AKR1C2: variants seen among roughly 807,000 people sequenced by gnomAD.
AKR1C2 encodes aldo-keto reductase family 1 member C2, also known as 3-alpha-HSD3.
AKR1C2 carries 27 observed loss-of-function variants against 39.8 expected under a neutral mutation model. The observed-to-expected ratio is 0.68, with a 90% CI of 0.50 to 0.93. The LOEUF (loss-of-function observed/expected upper bound fraction) is 0.93, where lower values mean the gene tolerates loss of function less well. AKR1C2 is among the 40% of genes least tolerant of loss of function. The pLI, the probability that AKR1C2 is intolerant of heterozygous loss-of-function variation, is 0.00. For missense variants in AKR1C2, 263 were observed against 365.1 expected, an observed-to-expected ratio of 0.72 and a Z score of 2.28; for synonymous variants, 114 against 137.9, an observed-to-expected ratio of 0.83 and a Z score of 1.22.
At chr10:4,995,954 A>G in intron 5 of AKR1C2, 89 bp from the exon 6 acceptor site, 7 of 1,473,084 alleles carry the variant, frequency 4.8e-6, no homozygotes, top group Non-Finnish European at 6.4e-6. Flanking sequence ...TGAATAATGT[A>G]GAGCATTAAA....
intron 7 of AKR1C2, among the ~76,000 whole-genome samples, chr10:4,992,608 A>G (rs1337193094): frequency 6.6e-6 from 1 of 152,254 alleles, no homozygotes; most frequent in Non-Finnish European, 1.5e-5. Context: ...ATTTCTATAT[A>G]TTAGAAAATC....
At chr10:4,998,579 A>T (rs1339865515) in intron 5 of AKR1C2, 46 bp downstream of exon 5, 24 of 1,609,494 alleles carry the variant, frequency 1.5e-5, no homozygotes, top group Non-Finnish European at 1.7e-5. Context: ...TAGGACAGAA[A>T]GAGGGGCATG....
At chr10:5,006,788 T>C (rs1388518509), upstream of AKR1C2, among the ~76,000 whole-genome samples, 1 of 89,482 alleles carries the variant, frequency 1.1e-5, no homozygotes, top group Non-Finnish European at 2.7e-5. Flanking sequence ...TCAGCCTCTT[T>C]TTTTTTTTTT....
intron 3 of AKR1C2, 91 bp downstream of exon 3, chr10:5,000,459 T>C: frequency 1.2e-6 from 2 of 1,609,886 alleles, no homozygotes; most frequent in South Asian, 2.2e-5. Context: ...CCCTATGTCC[T>C]CCTAAGAAAA....
At chr10:4,996,367 C>T (rs1837039645) in intron 5 of AKR1C2, among the ~76,000 whole-genome samples, 1 of 151,224 alleles carries the variant, frequency 6.6e-6, no homozygotes, top group Non-Finnish European at 1.5e-5. Context: ...TATACATATA[C>T]ACATAAATAC....
intron 1 of AKR1C2, chr10:5,013,616 AG>A (rs1457291527): frequency 1.7e-4 from 27 of 157,744 alleles, no homozygotes; most frequent in African/African-American, 6.4e-4. Flanking sequence ...GCATTTCTCC[AG>A]GGCCTAGGAA....
chr10:5,017,372 A>T (rs1837663962), intron 1 of AKR1C2, among the ~76,000 whole-genome samples: 1 of 152,214 alleles, frequency 6.6e-6, no homozygotes, highest in Admixed American at 6.5e-5. Context: ...GCCAGGCCAC[A>T]TCTTGCTTGC....
intron 1 of AKR1C2, among the ~76,000 whole-genome samples, chr10:5,012,427 G>A (rs1937851): frequency 0.32 from 47,872 of 149,186 alleles, 8,692 homozygotes; most frequent in Non-Finnish European, 0.41. Context: ...TCATCTGGAT[G>A]GGCAATGTCA....
At chr10:5,014,487 A>T (rs1298629300) in intron 1 of AKR1C2, among the ~76,000 whole-genome samples, 2 of 152,080 alleles carry the variant, frequency 1.3e-5, no homozygotes, top group African/African-American at 4.8e-5. Flanking sequence ...TTGGTTGAAC[A>T]AGGTGTGTTG....
Position 4,993,842 on chromosome 10 carries a change from T to A in AKR1C2, c.846+1477A>T, listed in dbSNP as rs556989637. On this transcript the variant is annotated intron_variant, in intron 7 of 8. Transcript: ENST00000380753. ...ATCATATATATCTATATATACTAGATGAATTAGAGAACATACACATATGTA... is the reference window on the plus strand; with the variant it reads ...ATCATATATATCTATATATACTAGAAGAATTAGAGAACATACACATATGTA... Among the ~76,000 whole-genome samples the A allele has an allele frequency of 2.1e-4, 32 of 151,656 alleles. 1 individual carries two copies. In the South Asian group the frequency reaches 4.0e-3, roughly 19 times the overall value.
chr10:4,992,868 T>G (rs1449898839), intron 7 of AKR1C2, among the ~76,000 whole-genome samples: 2 of 152,124 alleles, frequency 1.3e-5, no homozygotes, highest in African/African-American at 4.8e-5. Flanking sequence ...GAGAACTGCT[T>G]GAACCCGGGA....
Position 5,001,690 on chromosome 10 carries a change from G to A in AKR1C2, c.85-9C>T, listed in dbSNP as rs1837279669. On this transcript the variant is annotated splice_polypyrimidine_tract_variant and intron_variant, in intron 1 of 8. Transcript: ENST00000380753. The stretch of plus-strand genomic sequence containing the variant: ...GCTTTACTTTTAGGAACCTGGGGGA[G>A]CAACCAAACGTAATATTTTCTGACT... The A allele has an allele frequency of 2.5e-6, 4 of 1,613,326 alleles. No homozygotes were observed. Among genetic ancestry groups the A allele is most frequent in the African/African-American group, 2.7e-5 (2 of 74,880 alleles).
At chr10:4,998,786 G>C (rs782103450) in intron 4 of AKR1C2, 39 bp from the exon 5 acceptor site, 1 of 1,611,454 alleles carries the variant, frequency 6.2e-7, no homozygotes, top group Non-Finnish European at 8.5e-7. Flanking sequence ...TTGTGTAGTC[G>C]ACTGAAGAGC....
chr10:4,999,439 A>G, intron 3 of AKR1C2, 162 bp from the exon 4 acceptor site: 1 of 1,514,626 alleles, frequency 6.6e-7, no homozygotes, highest in East Asian at 2.4e-5. Flanking sequence ...GGTATAAGGA[A>G]TGTCTTCAGG....
chr10:5,000,704 C>T lies in AKR1C2; in HGVS notation c.253-38G>A, dbSNP rs372327442. ...GAGAAACGAAGTTGTGTAATGAAAACTTGAGCCAGTTTTACTAGTTTGCTC... is the reference window on the plus strand; with the variant it reads ...GAGAAACGAAGTTGTGTAATGAAAATTTGAGCCAGTTTTACTAGTTTGCTC... On this transcript the variant is annotated intron_variant, in intron 2 of 8. Coordinates refer to ENST00000380753, the MANE Select transcript of AKR1C2 (RefSeq NM_001393392.1). The T allele has an allele frequency of 2.3e-5, 36 of 1,587,680 alleles. No individual in the cohort carries two copies. The African/African-American group carries it at 4.6e-4, about 20-fold the overall frequency.
Position 4,988,052 on chromosome 10 carries a change from A to T in AKR1C2, c.*1944T>A, listed in dbSNP as rs2131662192. 6.6e-6 allele frequency: 1 copy of T among 152,266 alleles called. No individual in the cohort carries two copies. Among genetic ancestry groups the T allele is most frequent in the African/African-American group, 2.4e-5 (1 of 41,528 alleles). The allele number at this position is 152,266 out of a possible 1,614,324, so 9.4% of individuals were successfully genotyped here. A position where few individuals can be genotyped will look rare whatever the true frequency, so the allele number is the denominator to read the frequency against. ...AGTTTTATAAAAATGGATGGTGAAGAACTGGAAAAAGCCCACAGCAGCCGT... is the reference window on the plus strand; with the variant it reads ...AGTTTTATAAAAATGGATGGTGAAGTACTGGAAAAAGCCCACAGCAGCCGT... On this transcript the variant is annotated 3_prime_UTR_variant, in exon 9 of 9. Coordinates refer to ENST00000380753, the MANE Select transcript of AKR1C2 (RefSeq NM_001393392.1).
At chr10:5,008,135 T>A (rs74111941), upstream of AKR1C2, among the ~76,000 whole-genome samples, 2,706 of 151,572 alleles carry the variant, frequency 0.018, 146 homozygotes, top group African/African-American at 0.062. Context: ...TTTATAATTC[T>A]GGAATTTTGA....
At chr10:5,000,314 AG>A (rs1837217854) in intron 3 of AKR1C2, 11 of 1,496,864 alleles carry the variant, frequency 7.3e-6, no homozygotes, top group Non-Finnish European at 9.8e-6. Context: ...CAAGTTTTTG[AG>A]GCAGAGGCTT....
At chr10:5,014,939 A>T (rs1460492839) in intron 1 of AKR1C2, 9 of 152,342 alleles carry the variant, frequency 5.9e-5, no homozygotes, top group African/African-American at 2.2e-4. Context: ...AGGGCAATTT[A>T]CTCAGCCTTT....
Sources: gnomAD v4.1 joint callset for allele counts (sites outside exome capture counted in the v4.1 genomes callset) on GRCh38, gnomAD v4.1.1 for gene constraint, MANE v1.5 for transcripts, NCBI Gene and HGNC (gene_info 2026-07-23, HGNC 2026-07-21) for gene names.